The following NOC4L variants were observed in gnomAD, a reference collection of about 807,000 sequenced individuals.
NOC4L encodes the protein nucleolar complex protein 4 homolog.
In NOC4L, 40 loss-of-function variants were observed where a neutral mutation model predicts 62.8. The ratio of observed to expected loss-of-function variants is 0.64; its 90% CI spans 0.49 to 0.83. The LOEUF (loss-of-function observed/expected upper bound fraction) is 0.83. Among genes scored for constraint, NOC4L ranks in the 40% least tolerant of loss-of-function variants. NOC4L has a pLI of 0.00. For synonymous variants in NOC4L, 433 were observed against 299.8 expected (o/e 1.44, Z -4.59); for missense variants, 927 against 701.9 (o/e 1.32, Z -3.62).
At position 132,144,517 on chromosome 12, in the gene NOC4L, T is replaced by A. The variant is rs1482183221; in HGVS notation, c.29T>A (p.Val10Asp). 1.3e-6 allele frequency: 2 copies of A among 1,514,668 alleles called. No homozygotes were observed. The highest frequency in any genetic ancestry group is 4.2e-5 in the Admixed American group (2 of 48,166). 93.8% of individuals were successfully genotyped at this position (1,514,668 alleles called of 1,614,324 possible). A position where few individuals can be genotyped will look rare whatever the true frequency, so the allele number is the denominator to read the frequency against. Residue 10 changes from valine (V) to aspartate (D), a missense_variant, in exon 1 of 15, where the codon GTT becomes GAT. Coordinates refer to ENST00000330579, the MANE Select transcript of NOC4L (RefSeq NM_024078.3). Reference protein sequence around the residue: MEREPGAAGVRRALGRRLEA... With the variant: MEREPGAAGDRRALGRRLEA... ...GAGCGGGAGCCGGGCGCCGCGGGAG[T>A]TCGCCGGGCTCTGGGCCGCCGGCTG...
chr12:132,150,571 C>G (rs529816305), intron 9 of NOC4L, among the ~76,000 whole-genome samples: 38 of 558 alleles, frequency 0.068, 13 homozygotes, highest in African/African-American at 0.26. Context: ...CGGTGAGTGC[C>G]GCCGCCTCGC....
Position 132,152,412 on chromosome 12 carries a change from C to T in NOC4L, c.*11C>T. ...TTCACGCTCAGCTGACCCTGGCCCA[C>T]CTGTGAATAAATCTCAGCTGACCCC... On this transcript the variant is annotated 3_prime_UTR_variant, in exon 15 of 15. Coordinates refer to ENST00000330579, the MANE Select transcript of NOC4L (RefSeq NM_024078.3). The T allele has an allele frequency of 2.5e-6, 4 of 1,569,686 alleles. No individual in the cohort carries two copies. The highest frequency in any genetic ancestry group is 3.5e-6 in the Non-Finnish European group (4 of 1,154,512).
At position 132,151,590 on chromosome 12, in the gene NOC4L, C is replaced by T. The variant is rs373511960; in HGVS notation, c.1180C>T (p.Leu394=). The T allele has an allele frequency of 3.0e-4, 481 of 1,611,434 alleles. No homozygotes were observed. Among genetic ancestry groups the T allele is most frequent in the Admixed American group, 1.9e-3 (112 of 59,942 alleles). Reference sequence around the variant, plus strand: ...CATGGTCCTGCCTTTCATCTGTAACCTGCTGCGCCGGCACCCTGCCTGCCG... The same window carrying T: ...CATGGTCCTGCCTTTCATCTGTAACTTGCTGCGCCGGCACCCTGCCTGCCG... ...LLMVLPFICN[L]LRRHPACRVL... The change falls in exon 12 of 15, where the codon CTG becomes TTG. Residue 394 remains leucine, a synonymous_variant. Transcript: ENST00000330579.
At chr12:132,146,496 C>T (rs1412475082) in intron 3 of NOC4L, 13 of 389,834 alleles carry the variant, frequency 3.3e-5, no homozygotes, top group East Asian at 7.4e-5. Context: ...ATTACAAGGC[C>T]ACACAGCAGC....
rs993460451 is a variant in NOC4L, at chr12:132,151,496, C to T, written c.1086C>T (p.Ala362=). 1 of 1,603,658 alleles carries T rather than the reference C, an allele frequency of 6.2e-7. No individual in the cohort carries two copies. Among genetic ancestry groups the T allele is most frequent in the Non-Finnish European group, 8.5e-7 (1 of 1,179,178 alleles). ...DLFLSSSHLP[A]YLVAAFAKRL... is the part of the protein sequence containing the mutation. ...CTGCCCTGCCCAGCCACCTCCCCGC[C>T]TACCTGGTGGCCGCCTTCGCCAAGC... is the stretch of plus-strand genomic sequence containing the variant. Residue 362 remains alanine, a synonymous_variant, in exon 12 of 15, where the codon GCC becomes GCT. Coordinates refer to ENST00000330579, the MANE Select transcript of NOC4L (RefSeq NM_024078.3).
In NOC4L at chr12:132,144,505, G is replaced by T. The variant is rs1264854541; in HGVS notation, c.17G>T (p.Gly6Val). Residue 6 changes from glycine to valine, a missense_variant, in exon 1 of 15, where the codon GGC becomes GTC. Physicochemically the swap from Gly to Val is moderately radical, Grantham distance 109. Transcript: ENST00000330579. ...GGGGGCGGCATGGAGCGGGAGCCGG[G>T]CGCCGCGGGAGTTCGCCGGGCTCTG... MEREP[G>V]AAGVRRALGR... 3 of 1,521,200 alleles carry T rather than the reference G, an allele frequency of 2.0e-6. No individual in the cohort carries two copies. Among genetic ancestry groups the T allele is most frequent in the Non-Finnish European group, 2.6e-6 (3 of 1,145,296 alleles). The allele number at this position is 1,521,200 out of a possible 1,614,324, so 94.2% of individuals were successfully genotyped here. A position where few individuals can be genotyped will look rare whatever the true frequency, so the allele number is the denominator to read the frequency against.
In NOC4L at chr12:132,151,939, G is replaced by A. The variant is rs535913680; in HGVS notation, c.1317+119G>A. ...ATGTTGCGTCCCCAGCTGGCCACCT[G>A]GGTTTGTGGGTGCTGGGTGCTTGGC... On this transcript the variant is annotated intron_variant, in intron 13 of 14. Transcript: ENST00000330579. The A allele has an allele frequency of 1.9e-4, 235 of 1,249,112 alleles. No homozygotes were observed. The African/African-American group carries it at 3.0e-3, about 16-fold the overall frequency. 77.4% of individuals were successfully genotyped at this position (1,249,112 alleles called of 1,614,324 possible).
Position 132,148,907 on chromosome 12 carries a change from C to G in NOC4L, c.901+12C>G, listed in dbSNP as rs369300031. 8.0e-7 allele frequency: 1 copy of G among 1,252,802 alleles called. No individual in the cohort carries two copies. 77.6% of individuals were successfully genotyped at this position (1,252,802 alleles called of 1,614,324 possible). The stretch of plus-strand genomic sequence containing the variant: ...CGCCTGCGACCTCGGTGAGTGCCGC[C>G]GCCTCGCTCACACCACACCCCTAAT... On this transcript the variant is annotated intron_variant, in intron 9 of 14. Transcript: ENST00000330579.
chr12:132,151,140 C>G (rs905590727), intron 10 of NOC4L, 99 bp downstream of exon 10: 6 of 1,424,090 alleles, frequency 4.2e-6, no homozygotes, highest in Non-Finnish European at 5.9e-6. Flanking sequence ...GCTTTCCTCA[C>G]AGGCCATGGT....
chr12:132,145,423 C>A lies in NOC4L; in HGVS notation c.239-136C>A, dbSNP rs886895679. ...GCTGGTCTCAGCACAGGTCTGGGGG[C>A]CTTAGCGACCTGTTTCCACCTGCGG... On this transcript the variant is annotated intron_variant, in intron 2 of 14. Transcript: ENST00000330579. The A allele has an allele frequency of 5.0e-6, 3 of 604,008 alleles. No individual in the cohort carries two copies. The East Asian group carries it at 8.5e-5, about 17-fold the overall frequency. The allele number at this position is 604,008 out of a possible 1,614,324, so 37.4% of individuals were successfully genotyped here.
rs1459457760 is a variant in NOC4L at position 132,147,680 on chromosome 12, C to G, written c.501C>G (p.Leu167=). 6.2e-6 allele frequency: 10 copies of G among 1,612,806 alleles called. No individual in the cohort carries two copies. Among genetic ancestry groups the G allele is most frequent in the African/African-American group, 2.7e-5 (2 of 74,920 alleles). Residue 167 remains leucine, a synonymous_variant, in exon 5 of 15, where the codon CTC becomes CTG. Transcript: ENST00000330579. ...LLSPEEDQSL[L]LSQFREYLDY... ...CTCCTGAGGAGGACCAGAGCCTGCT[C>G]CTGTCCCAGTTCCGGGAGTACCTGG...
At position 132,144,992 on chromosome 12, in the gene NOC4L, C is replaced by G. The variant is rs1172683839; in HGVS notation, c.238+18C>G. 1.3e-6 allele frequency: 2 copies of G among 1,582,162 alleles called. No homozygotes were observed. Among genetic ancestry groups the G allele is most frequent in the East Asian group, 2.3e-5 (1 of 43,608 alleles). On this transcript the variant is annotated intron_variant, in intron 2 of 14. Transcript: ENST00000330579. ...CATGACAGGTGAGCCCTGGAGGGCC[C>G]CGGGGCTGCTCTTCTCTTTCCGTGG... is the stretch of plus-strand genomic sequence containing the variant.
intron 3 of NOC4L, chr12:132,146,472 G>A (rs979040368): frequency 1.4e-5 from 6 of 415,324 alleles, no homozygotes; most frequent in Non-Finnish European, 2.0e-5. Flanking sequence ...GCTTGAATAT[G>A]CCTTATCAGT....
chr12:132,152,250 G>A (rs1873031476), intron 14 of NOC4L, 32 bp from the exon 15 acceptor site: 4 of 1,593,224 alleles, frequency 2.5e-6, no homozygotes, highest in Non-Finnish European at 3.4e-6. Flanking sequence ...GCTGAGCCAA[G>A]CCTGAGAGCC....
chr12:132,151,896 C>T, intron 13 of NOC4L, 76 bp downstream of exon 13: 1 of 1,438,020 alleles, frequency 7.0e-7, no homozygotes, highest in South Asian at 1.2e-5. Context: ...CTCCCCGTGC[C>T]ACCTCCCGCA....
chr12:132,145,551 G>C lies in NOC4L; in HGVS notation c.239-8G>C, dbSNP rs756033685. On this transcript the variant is annotated splice_region_variant and splice_polypyrimidine_tract_variant and intron_variant, in intron 2 of 14. Transcript: ENST00000330579. The stretch of plus-strand genomic sequence containing the variant: ...TCACGTGGGCTGACCACCCTAACCT[G>C]TCTGCAGGGTCCCAGGGAGCCACAC... 3 of 1,605,202 alleles carry C rather than the reference G, an allele frequency of 1.9e-6. No homozygotes were observed. Among genetic ancestry groups the C allele is most frequent in the Non-Finnish European group, 2.6e-6 (3 of 1,173,680 alleles).
Position 132,151,441 on chromosome 12 carries a change from G to C in NOC4L, c.1074-43G>C, listed in dbSNP as rs759765168. The C allele has an allele frequency of 1.2e-5, 20 of 1,600,324 alleles. No individual in the cohort carries two copies. The African/African-American group carries it at 2.1e-4, about 17-fold the overall frequency. Reference sequence around the variant, plus strand: ...CTGGGGCCAGGGGAGGGTGGTGGGGGCTAGCAGTCCGGGCCCTGTCTCACA... The same window carrying C: ...CTGGGGCCAGGGGAGGGTGGTGGGGCCTAGCAGTCCGGGCCCTGTCTCACA... On this transcript the variant is annotated intron_variant, in intron 11 of 14. Coordinates refer to ENST00000330579, the MANE Select transcript of NOC4L (RefSeq NM_024078.3).
At chr12:132,148,371 C>T (rs1033681674) in intron 7 of NOC4L, among the ~76,000 whole-genome samples, 22 of 152,186 alleles carry the variant, frequency 1.4e-4, no homozygotes, top group African/African-American at 5.1e-4. Context: ...CTGTTTTGGG[C>T]GCAGCCCCCC....
chr12:132,145,733 C>G, intron 3 of NOC4L, 68 bp downstream of exon 3: 1 of 1,148,260 alleles, frequency 8.7e-7, no homozygotes, highest in South Asian at 1.4e-5. Flanking sequence ...ATCCACAAAG[C>G]AGAGGTCTGG....
Sources: allele counts gnomAD v4.1 joint callset (sites outside exome capture counted in the v4.1 genomes callset), GRCh38; gene constraint gnomAD v4.1.1; transcripts MANE v1.5; gene names NCBI Gene and HGNC (gene_info 2026-07-23, HGNC 2026-07-21).